Variants in PTPRD observed in about 807,000 individuals in gnomAD.
The protein encoded by PTPRD is protein tyrosine phosphatase receptor type D.
Under a neutral mutation model 214.5 loss-of-function variants are expected in PTPRD, and 34 were observed. The ratio of observed to expected loss-of-function variants is 0.16; its 90% CI spans 0.12 to 0.21. PTPRD has a LOEUF of 0.21. Ranked by LOEUF, PTPRD falls within the 10% of genes least tolerant of loss-of-function variation. PTPRD has a pLI of 1.00. For missense variants in PTPRD, 2,545 were observed against 2,398.7 expected, an observed-to-expected ratio of 1.06 and a Z score of -1.27; for synonymous variants, 1,128 against 845.7, an observed-to-expected ratio of 1.33 and a Z score of -5.79.
chr9:9,357,983 G>A (rs2054500079), intron 9 of PTPRD, among the ~76,000 whole-genome samples: 2 of 151,160 alleles, frequency 1.3e-5, no homozygotes, highest in Admixed American at 1.3e-4. Context: ...TTTCTCTGGA[G>A]TTCAGCTGAA....
intron 39 of PTPRD, among the ~76,000 whole-genome samples, chr9:8,358,253 C>T (rs1225840715): frequency 1.3e-5 from 2 of 152,076 alleles, no homozygotes; most frequent in African/African-American, 4.8e-5. Flanking sequence ...TAAAGACTTA[C>T]TACACTTTAA....
intron 11 of PTPRD, among the ~76,000 whole-genome samples, chr9:8,837,899 T>C (rs540420921): frequency 6.3e-4 from 96 of 152,304 alleles, no homozygotes; most frequent in African/African-American, 2.2e-3. Flanking sequence ...GATTTCCCAG[T>C]ATAATAAAAG....
chr9:8,831,305 G>C (rs1332052794), intron 11 of PTPRD, among the ~76,000 whole-genome samples: 1 of 152,166 alleles, frequency 6.6e-6, no homozygotes, highest in East Asian at 1.9e-4. Flanking sequence ...AGAATGTCAA[G>C]AAATGTTTAA....
intron 14 of PTPRD, among the ~76,000 whole-genome samples, chr9:8,561,810 C>A (rs566948090): frequency 6.7e-6 from 1 of 149,194 alleles, no homozygotes; most frequent in Non-Finnish European, 1.5e-5. Flanking sequence ...GTAAGGGTAA[C>A]GGTTGAGATG....
At chr9:10,392,913 T>C (rs1003775350) in intron 2 of PTPRD, among the ~76,000 whole-genome samples, 1 of 151,762 alleles carries the variant, frequency 6.6e-6, no homozygotes, top group African/African-American at 2.4e-5. Flanking sequence ...CAGGTCTTGG[T>C]ATAGAATCCT....
At chr9:10,376,420 G>A (rs937159987) in intron 2 of PTPRD, among the ~76,000 whole-genome samples, 8 of 151,486 alleles carry the variant, frequency 5.3e-5, no homozygotes, top group African/African-American at 1.9e-4. Context: ...TATATTAAAT[G>A]CATGCCTTGA....
At chr9:9,189,712 T>G (rs1408269399) in intron 9 of PTPRD, among the ~76,000 whole-genome samples, 3 of 152,110 alleles carry the variant, frequency 2.0e-5, no homozygotes, top group Non-Finnish European at 4.4e-5. Context: ...CATACAGTGA[T>G]AAATGGTAAA....
intron 10 of PTPRD, among the ~76,000 whole-genome samples, chr9:9,084,785 T>C (rs1318076015): frequency 1.3e-5 from 2 of 152,106 alleles, no homozygotes; most frequent in African/African-American, 2.4e-5. Context: ...TGCTTCATAG[T>C]TCACGGACTG....
chr9:8,459,822 C>A (rs980088535), intron 33 of PTPRD, among the ~76,000 whole-genome samples: 1 of 152,058 alleles, frequency 6.6e-6, no homozygotes, highest in African/African-American at 2.4e-5. Context: ...GACACATACA[C>A]GAATTCACCA....
chr9:10,376,306 G>A (rs1430207972), intron 2 of PTPRD, among the ~76,000 whole-genome samples: 1 of 151,620 alleles, frequency 6.6e-6, no homozygotes, highest in Non-Finnish European at 1.5e-5. Flanking sequence ...TGCAGCTACT[G>A]TGGACTATCC....
chr9:9,454,004 T>C (rs771460697), intron 8 of PTPRD, among the ~76,000 whole-genome samples: 1 of 151,828 alleles, frequency 6.6e-6, no homozygotes, highest in Non-Finnish European at 1.5e-5. Flanking sequence ...CTCTTTTCTT[T>C]AAAATTTCAG....
chr9:9,307,852 T>C (rs34547428), intron 9 of PTPRD, among the ~76,000 whole-genome samples: 16,769 of 152,206 alleles, frequency 0.11, 922 homozygotes, highest in Middle Eastern at 0.18. Context: ...CTGTTCTAGT[T>C]CTACTGAACC....
intron 2 of PTPRD, among the ~76,000 whole-genome samples, chr9:10,512,373 G>A (rs896240524): frequency 6.6e-6 from 1 of 151,892 alleles, no homozygotes; most frequent in Non-Finnish European, 1.5e-5. Context: ...AAAGTATACT[G>A]CCAAGAATGG....
intron 2 of PTPRD, among the ~76,000 whole-genome samples, chr9:10,482,814 A>G (rs989546131): frequency 6.6e-6 from 1 of 152,238 alleles, no homozygotes; most frequent in Non-Finnish European, 1.5e-5. Context: ...ATCACAGATG[A>G]CACGAACAAA....
intron 2 of PTPRD, among the ~76,000 whole-genome samples, chr9:10,387,262 T>C (rs1328361636): frequency 2.0e-5 from 3 of 151,888 alleles, no homozygotes; most frequent in Non-Finnish European, 2.9e-5. Context: ...TAACAATTTG[T>C]ACAGTCTCCA....
chr9:10,411,144 AAAG>A (rs2154507499), intron 2 of PTPRD, among the ~76,000 whole-genome samples: 1 of 151,902 alleles, frequency 6.6e-6, no homozygotes, highest in South Asian at 2.1e-4. Flanking sequence ...CTGCCATGAC[AAAG>A]AATTTGAATG....
At chr9:10,116,218 A>G (rs1406572151) in intron 3 of PTPRD, among the ~76,000 whole-genome samples, 1 of 152,110 alleles carries the variant, frequency 6.6e-6, no homozygotes, top group Non-Finnish European at 1.5e-5. Context: ...AAGACTCCTT[A>G]TTTCTAACTG....
chr9:9,300,067 C>T (rs1230764218), intron 9 of PTPRD, among the ~76,000 whole-genome samples: 2 of 150,374 alleles, frequency 1.3e-5, no homozygotes, highest in African/African-American at 4.9e-5. Flanking sequence ...CTGTCCACCT[C>T]TATGGCCACT....
chr9:9,978,369 T>A (rs972049377), intron 4 of PTPRD, among the ~76,000 whole-genome samples: 1 of 151,854 alleles, frequency 6.6e-6, no homozygotes, highest in African/African-American at 2.4e-5. Context: ...TAAGAAAAAT[T>A]AAAATGGAAA....
Sources: gnomAD v4.1 joint callset for allele counts (sites outside exome capture counted in the v4.1 genomes callset) on GRCh38, gnomAD v4.1.1 for gene constraint, MANE v1.5 for transcripts, NCBI Gene and HGNC (gene_info 2026-07-23, HGNC 2026-07-21) for gene names.